Variants in CRB1 observed in about 807,000 individuals in gnomAD.
CRB1 encodes the protein protein crumbs homolog 1.
Under a neutral mutation model 120.0 loss-of-function variants are expected in CRB1, and 83 were observed. The ratio of observed to expected loss-of-function variants is 0.69; its 90% confidence interval spans 0.58 to 0.83. The LOEUF is 0.83. Among genes scored for constraint, CRB1 ranks in the 40% least tolerant of loss-of-function variants. The pLI, the probability that CRB1 is intolerant of heterozygous loss-of-function variation, is 0.00. For missense variants in CRB1, 1,699 were observed against 1,687.6 expected (o/e 1.01, Z -0.12); for synonymous variants, 625 against 612.5 (o/e 1.02, Z -0.30).
chr1:197,295,106 TA>T lies in CRB1; in HGVS notation c.70+26625del, dbSNP rs550777844. Among the ~76,000 whole-genome samples the T allele has an allele frequency of 2.6e-5, 4 of 152,128 alleles. No individual in the cohort carries two copies. The South Asian group carries it at 6.2e-4, about 24-fold the overall frequency. On this transcript the variant is annotated intron_variant, in intron 1 of 11. Transcript: ENST00000367400. ...TTTACTTGAGTGTTTGGGAGGCAAG[TA>T]TTTTTTTTCATAAATGATATGTAAG...
At chr1:197,311,976 G>T (rs371341858) in intron 1 of CRB1, among the ~76,000 whole-genome samples, 11 of 152,156 alleles carry the variant, frequency 7.2e-5, no homozygotes, top group African/African-American at 2.7e-4. Flanking sequence ...ATAGCCAAGT[G>T]TAAGTAAAAC....
intron 5 of CRB1, among the ~76,000 whole-genome samples, chr1:197,358,298 A>C (rs1446812154): frequency 6.6e-6 from 1 of 152,216 alleles, no homozygotes; most frequent in Non-Finnish European, 1.5e-5. Flanking sequence ...TTCTTGGAAT[A>C]AGGTGAAGGC....
intron 5 of CRB1, among the ~76,000 whole-genome samples, chr1:197,409,141 C>T (rs1451365428): frequency 2.6e-5 from 4 of 152,154 alleles, no homozygotes; most frequent in Non-Finnish European, 4.4e-5. Context: ...ATATGTATCT[C>T]TTGCATCAGA....
chr1:197,319,429 T>C, intron 1 of CRB1, among the ~76,000 whole-genome samples: 1 of 29,524 alleles, frequency 3.4e-5, no homozygotes, highest in African/African-American at 1.7e-4. Context: ...TGAGACTCCA[T>C]CTCAAAAAAA....
At chr1:197,324,659 A>G (rs547216253) in intron 1 of CRB1, among the ~76,000 whole-genome samples, 2 of 152,304 alleles carry the variant, frequency 1.3e-5, no homozygotes, top group Admixed American at 1.3e-4. Context: ...GATAAAACTC[A>G]TAGACTTAGT....
chr1:197,470,205 C>A (rs1349300484), intron 11 of CRB1, among the ~76,000 whole-genome samples: 1 of 152,118 alleles, frequency 6.6e-6, no homozygotes, highest in Non-Finnish European at 1.5e-5. Flanking sequence ...CAATTGGGAA[C>A]AAGGAAGGCA....
intron 3 of CRB1, 68 bp downstream of exon 3, chr1:197,344,544 T>C: frequency 6.8e-7 from 1 of 1,461,858 alleles, no homozygotes; most frequent in Non-Finnish European, 9.6e-7. Context: ...TACCACTCTG[T>C]TGAATTTAGA....
At chr1:197,407,860 C>T (rs544894308) in intron 5 of CRB1, among the ~76,000 whole-genome samples, 60 of 152,254 alleles carry the variant, frequency 3.9e-4, no homozygotes, top group Admixed American at 5.2e-4. Flanking sequence ...TTCATGGATA[C>T]ATTAGATATC....
the CRB1 span, among the ~76,000 whole-genome samples, chr1:197,229,705 G>A: frequency 6.6e-6 from 1 of 152,116 alleles, no homozygotes; most frequent in South Asian, 2.1e-4. Flanking sequence ...AGAACATGGG[G>A]TATTTGGTTT....
intron 11 of CRB1, among the ~76,000 whole-genome samples, chr1:197,450,752 A>G (rs867271699): frequency 7.0e-6 from 1 of 142,954 alleles, no homozygotes. Context: ...CATCCTGGCT[A>G]ACATGGTGAA....
At chr1:197,302,873 C>G (rs1656949214) in intron 1 of CRB1, among the ~76,000 whole-genome samples, 1 of 152,108 alleles carries the variant, frequency 6.6e-6, no homozygotes, top group Non-Finnish European at 1.5e-5. Flanking sequence ...CTAAATACTC[C>G]TGTATGCAAC....
At chr1:197,364,009 A>G in intron 5 of CRB1, 3 of 1,386,578 alleles carry the variant, frequency 2.2e-6, no homozygotes, top group Admixed American at 1.7e-5. Context: ...GCGGATCTAC[A>G]GTATGGAAAT....
intron 5 of CRB1, among the ~76,000 whole-genome samples, chr1:197,391,536 T>C (rs539815935): frequency 2.0e-4 from 30 of 152,276 alleles, no homozygotes; most frequent in African/African-American, 6.5e-4. Flanking sequence ...AAAAAATGTT[T>C]GTAGTTGCCT....
chr1:197,390,811 G>A (rs1662468048), intron 5 of CRB1, among the ~76,000 whole-genome samples: 2 of 151,778 alleles, frequency 1.3e-5, no homozygotes, highest in South Asian at 4.2e-4. Context: ...TTTGATTCTT[G>A]GTGATTGATC....
chr1:197,308,620 T>A (rs964687517), intron 1 of CRB1, among the ~76,000 whole-genome samples: 8 of 152,106 alleles, frequency 5.3e-5, no homozygotes, highest in African/African-American at 1.9e-4. Flanking sequence ...ATGATGGTGA[T>A]GATGCTTTGG....
At position 197,372,314 on chromosome 1, in the gene CRB1, G is replaced by A. The variant is rs536160666; in HGVS notation, c.1171+15301G>A. Among the ~76,000 whole-genome samples the A allele has an allele frequency of 3.4e-4, 51 of 152,214 alleles. No individual in the cohort carries two copies. In the South Asian group the frequency reaches 9.5e-3, roughly 28 times the overall value. On this transcript the variant is annotated intron_variant, in intron 5 of 11. Coordinates refer to ENST00000367400, the MANE Select transcript of CRB1 (RefSeq NM_201253.3). ...CAGTCAGTTATCCATTGTGACCCACGTAAGGGAGCTTAGATTGACATACTG... is the reference window on the plus strand; with the variant it reads ...CAGTCAGTTATCCATTGTGACCCACATAAGGGAGCTTAGATTGACATACTG...
chr1:197,435,615 G>T lies in CRB1; in HGVS notation c.3749+3G>T. 1.9e-6 allele frequency: 3 copies of T among 1,609,634 alleles called. No individual in the cohort carries two copies. In the South Asian group the frequency reaches 3.3e-5, roughly 18 times the overall value. On this transcript the variant is annotated splice_donor_region_variant and intron_variant, in intron 9 of 11. Coordinates refer to ENST00000367400, the MANE Select transcript of CRB1 (RefSeq NM_201253.3). ...AATTTTACAGGAAAATTTTGCAGGT[G>T]AGCATAAAGTCCATATGAAGCTTGG...
intron 1 of CRB1, among the ~76,000 whole-genome samples, chr1:197,300,547 G>A (rs899575505): frequency 1.3e-5 from 2 of 150,454 alleles, no homozygotes; most frequent in African/African-American, 5.0e-5. Context: ...AAGAAAAGTT[G>A]GAAGCTAGCA....
intron 11 of CRB1, among the ~76,000 whole-genome samples, chr1:197,456,741 G>C (rs1451255504): frequency 6.6e-6 from 1 of 152,094 alleles, no homozygotes; most frequent in African/African-American, 2.4e-5. Flanking sequence ...CTAGCTCAGA[G>C]CTTTGCCTGA....
Sources: allele counts gnomAD v4.1 joint callset (sites outside exome capture counted in the v4.1 genomes callset), GRCh38; gene constraint gnomAD v4.1.1; transcripts MANE v1.5; gene names NCBI Gene and HGNC (gene_info 2026-07-23, HGNC 2026-07-21).